The following TRIM46 variants were observed in gnomAD, a reference collection of about 807,000 sequenced individuals.
TRIM46 encodes the protein tripartite motif containing 46.
Under a neutral mutation model 69.7 loss-of-function variants are expected in TRIM46, and 17 were observed. That is an observed-to-expected ratio of 0.24 (90% CI 0.17 to 0.37). TRIM46 has a LOEUF of 0.37. TRIM46 is among the 10% of genes least tolerant of loss of function. The pLI is 1.00. For synonymous variants in TRIM46, 391 were observed against 429.0 expected (o/e 0.91, Z 1.09); for missense variants, 675 against 1,025.1 (o/e 0.66, Z 4.66).
chr1:155,179,557 T>C, intron 7 of TRIM46, 75 bp from the exon 8 acceptor site: 1 of 1,434,870 alleles, frequency 7.0e-7, no homozygotes, highest in Non-Finnish European at 9.4e-7. Flanking sequence ...TGCTTTCCCT[T>C]TTCCTGCCTG....
Position 155,184,130 on chromosome 1 carries a change from G to T in TRIM46, c.2220G>T (p.Glu740Asp). Residue 740 changes from glutamate (E) to aspartate (D), a missense_variant, in exon 10 of 10, where the codon GAG becomes GAT. Transcript: ENST00000334634. This position sits in a 1 kb window ranked among gnomAD's most constrained non-coding sequence, Gnocchi z 5.6. ...GGGGTGGCGCAGTACAGCTCCAGGA[G>T]CCAGTGGGCACTAAGCCTGAGAGGA... ...FIGGGAVQLQ[E>D]PVGTKPERKV... 2 of 1,613,848 alleles carry T rather than the reference G, an allele frequency of 1.2e-6. No individual in the cohort carries two copies. Among genetic ancestry groups the T allele is most frequent in the Non-Finnish European group, 1.7e-6 (2 of 1,180,010 alleles).
rs542500210 is a variant in TRIM46, at chr1:155,181,461, T to G, written c.1589-391T>G. 1.3e-5 allele frequency among the ~76,000 whole-genome samples: 2 copies of G among 152,030 alleles called. No homozygotes were observed. The highest frequency in any genetic ancestry group is 4.2e-4 in the South Asian group (2 of 4,804). ...ATAGGGGCTGGGTATAAGGGCCAGGTGTGAACCCAGAGTATGGGCTGGAAG... is the reference window on the plus strand; with the variant it reads ...ATAGGGGCTGGGTATAAGGGCCAGGGGTGAACCCAGAGTATGGGCTGGAAG... On this transcript the variant is annotated intron_variant, in intron 8 of 9. Transcript: ENST00000334634. The surrounding 1 kb of genome is among the most constrained non-coding windows in gnomAD (Gnocchi z 4.3).
chr1:155,182,529 C>G, intron 9 of TRIM46: 1 of 358,046 alleles, frequency 2.8e-6, no homozygotes, highest in Non-Finnish European at 5.0e-6. Flanking sequence ...TCCAAGACCT[C>G]CTTCACCCGT....
intron 6 of TRIM46, 99 bp from the exon 7 acceptor site, chr1:155,178,393 A>C (rs1665858051): frequency 6.3e-7 from 1 of 1,588,114 alleles, no homozygotes. Context: ...ACCAGCTCCC[A>C]AAGCAGTTCC....
chr1:155,173,993 CT>C lies in TRIM46; in HGVS notation c.29del (p.Phe10SerfsTer15). 6.4e-7 allele frequency: 1 copy of C among 1,574,606 alleles called. No homozygotes were observed. Among genetic ancestry groups the C allele is most frequent in the South Asian group, 1.2e-5 (1 of 85,866 alleles). ...TGGCAGAGGGTGAGGATATGCAGAC[CT>C]TCACTTCCATCATGGACGCACTGGT... The part of the protein sequence containing the change: MAEGEDMQT[F>X]TSIMDALVRI... On this transcript the variant is annotated frameshift_variant, in exon 1 of 10. Coordinates refer to ENST00000334634, the MANE Select transcript of TRIM46 (RefSeq NM_025058.5). LOFTEE classifies it high-confidence loss of function.
At chr1:155,176,898 T>C (rs774815941) in intron 3 of TRIM46, 34 bp from the exon 4 acceptor site, 1 of 1,605,680 alleles carries the variant, frequency 6.2e-7, no homozygotes, top group Non-Finnish European at 8.5e-7. Context: ...CCCACACCAT[T>C]GTCTGACCAT....
Position 155,178,122 on chromosome 1 carries a change from G to T in TRIM46, c.1030G>T (p.Ala344Ser). Residue 344 changes from alanine to serine, a missense_variant, in exon 6 of 10, where the codon GCC becomes TCC. Ala to Ser is a moderately conservative substitution (Grantham distance 99, BLOSUM62 1). Transcript: ENST00000334634. ...AIEECQQERL[A>S]RLSAQIQEHR... is the part of the protein sequence containing the mutation. ...TGAAGAATGCCAGCAGGAGCGGCTG[G>T]CCCGTCTCAGCGCCCAGATCCAGGA... The T allele has an allele frequency of 6.2e-7, 1 of 1,614,140 alleles. No homozygotes were observed. Among genetic ancestry groups the T allele is most frequent in the South Asian group, 1.1e-5 (1 of 91,080 alleles).
chr1:155,174,982 G>A, intron 1 of TRIM46: 1 of 1,383,830 alleles, frequency 7.2e-7, no homozygotes, highest in South Asian at 1.7e-5. Flanking sequence ...TGGGGGTGCT[G>A]CTAGAGAAGG....
Position 155,175,242 on chromosome 1 carries a change from G to A in TRIM46, c.64-144G>A. On this transcript the variant is annotated intron_variant, in intron 1 of 9. Coordinates refer to ENST00000334634, the MANE Select transcript of TRIM46 (RefSeq NM_025058.5). This position sits in a 1 kb window ranked among gnomAD's most constrained non-coding sequence, Gnocchi z 4.2. ...GAGGTCTGGGAAGGTCTGTGAACCA[G>A]CCCAAGGCAGGTGCTCTGGAAAAGC... 1 of 1,523,572 alleles carries A rather than the reference G, an allele frequency of 6.6e-7. No homozygotes were observed. Among genetic ancestry groups the A allele is most frequent in the Non-Finnish European group, 8.7e-7 (1 of 1,146,844 alleles). The allele number at this position is 1,523,572 out of a possible 1,614,324, so 94.4% of individuals were successfully genotyped here.
chr1:155,178,986 G>A (rs1263759227), intron 7 of TRIM46: 2 of 519,278 alleles, frequency 3.9e-6, no homozygotes, highest in Non-Finnish European at 6.5e-6. Flanking sequence ...CCTCCCACTG[G>A]ACCAATGCCC....
Position 155,178,842 on chromosome 1 carries a change from C to T in TRIM46, c.1285+229C>T, listed in dbSNP as rs1222975926. 2.1e-6 allele frequency: 3 copies of T among 1,454,610 alleles called. No homozygotes were observed. The Middle Eastern group carries it at 5.4e-4, about 261-fold the overall frequency. 90.1% of individuals were successfully genotyped at this position (1,454,610 alleles called of 1,614,324 possible). A position where few individuals can be genotyped will look rare whatever the true frequency, so the allele number is the denominator to read the frequency against. Reference sequence around the variant, plus strand: ...CACCGCGGACTCTGCTCCGGAGCACCCCAGGCAAGTCAGCGGCCCTGCCCC... The same window carrying T: ...CACCGCGGACTCTGCTCCGGAGCACTCCAGGCAAGTCAGCGGCCCTGCCCC... On this transcript the variant is annotated intron_variant, in intron 7 of 9. Transcript: ENST00000334634.
intron 9 of TRIM46, 136 bp from the exon 10 acceptor site, chr1:155,183,661 G>A (rs190070944): frequency 6.1e-5 from 72 of 1,177,930 alleles, no homozygotes; most frequent in Middle Eastern, 2.9e-4. Context: ...CCTCTTCAGC[G>A]TTTTCTTCTC....
At chr1:155,180,073 G>T (rs1666031138) in intron 8 of TRIM46, 139 bp downstream of exon 8, 2 of 1,051,494 alleles carry the variant, frequency 1.9e-6, no homozygotes, top group Admixed American at 3.2e-5. Context: ...GAGCTAGACT[G>T]CTTGGGTTCA....
At chr1:155,180,273 C>T (rs1306646027) in intron 8 of TRIM46, among the ~76,000 whole-genome samples, 1 of 152,086 alleles carries the variant, frequency 6.6e-6, no homozygotes, top group African/African-American at 2.4e-5. Flanking sequence ...TCAAGACCAA[C>T]CTGGCCAACA....
At chr1:155,178,870 G>T in intron 7 of TRIM46, 1 of 1,422,332 alleles carries the variant, frequency 7.0e-7, no homozygotes, top group Non-Finnish European at 9.3e-7. Context: ...CCTGCCCCGG[G>T]GGCCCTGCCC....
chr1:155,182,055 G>T lies in TRIM46; in HGVS notation c.1792G>T (p.Val598Leu). The change falls in exon 9 of 10, where the codon GTA becomes TTA. Residue 598 changes from valine to leucine, a missense_variant. Around this residue, in one of 5 missense-constraint regions of TRIM46, gnomAD observed 35 missense variants for 99.3 expected, o/e 0.35. Coordinates refer to ENST00000334634, the MANE Select transcript of TRIM46 (RefSeq NM_025058.5). ...TQGRSYWACA[V>L]DPASYLVKVG... is the part of the protein sequence containing the mutation. ...GGGCCGCAGCTACTGGGCCTGCGCC[G>T]TAGACCCAGCCTCCTACTTGGTCAA... The T allele has an allele frequency of 6.2e-7, 1 of 1,614,016 alleles. No homozygotes were observed.
At position 155,173,959 on chromosome 1, in the gene TRIM46, G is replaced by A. The variant is rs1454845605; in HGVS notation, c.-8G>A. The A allele has an allele frequency of 1.9e-6, 3 of 1,573,048 alleles. No homozygotes were observed. The highest frequency in any genetic ancestry group is 1.2e-5 in the South Asian group (1 of 86,014). ...GGGCACCCAGGGGCGGGCGGGCACG[G>A]TAGGGCCATGGCAGAGGGTGAGGAT... is the stretch of plus-strand genomic sequence containing the variant. On this transcript the variant is annotated 5_prime_UTR_variant, in exon 1 of 10. Coordinates refer to ENST00000334634, the MANE Select transcript of TRIM46 (RefSeq NM_025058.5).
rs139008733 is a variant in TRIM46, at chr1:155,183,954, G to A, written c.2044G>A (p.Gly682Ser). The A allele has an allele frequency of 2.5e-5, 40 of 1,613,934 alleles. No individual in the cohort carries two copies. The highest frequency in any genetic ancestry group is 6.7e-5 in the Admixed American group (4 of 60,020). ...GLTGRDGPTAGCTVPLPPRLG... is the reference protein window; with the variant it reads ...GLTGRDGPTASCTVPLPPRLG... ...GACAGGGAGGGATGGCCCCACAGCC[G>A]GCTGCACAGTGCCCCTGCCACCCCG... The change falls in exon 10 of 10, where the codon GGC becomes AGC. Residue 682 changes from glycine to serine, a missense_variant. Around this residue, in one of 5 missense-constraint regions of TRIM46, gnomAD observed 108 missense variants for 153.0 expected, o/e 0.71. Transcript: ENST00000334634.
Position 155,181,980 on chromosome 1 carries a change from G to C in TRIM46, c.1717G>C (p.Gly573Arg). The C allele has an allele frequency of 6.2e-7, 1 of 1,613,732 alleles. No homozygotes were observed. Among genetic ancestry groups the C allele is most frequent in the East Asian group, 2.2e-5 (1 of 44,878 alleles). Reference protein sequence around the residue: ...LLLAADRLLTGCHLSVDVVLG... With the variant: ...LLLAADRLLTRCHLSVDVVLG... Reference sequence around the variant, plus strand: ...GCTGGCTGCTGACCGGCTGCTGACCGGCTGCCACCTGAGTGTGGATGTGGT... The same window carrying C: ...GCTGGCTGCTGACCGGCTGCTGACCCGCTGCCACCTGAGTGTGGATGTGGT... The change falls in exon 9 of 10, where the codon GGC (glycine) becomes CGC (arginine). Residue 573 changes from glycine to arginine, a missense_variant. Around this residue, in one of 5 missense-constraint regions of TRIM46, gnomAD observed 361 missense variants for 498.3 expected, o/e 0.72. Transcript: ENST00000334634. The surrounding 1 kb of genome is among the most constrained non-coding windows in gnomAD (Gnocchi z 4.3).
Sources: gnomAD v4.1 joint callset for allele counts (sites outside exome capture counted in the v4.1 genomes callset) on GRCh38, gnomAD v4.1.1 for gene constraint, gnomAD v4.1.1 regional missense constraint, Gnocchi (gnomAD v3.1) non-coding constraint, MANE v1.5 for transcripts, NCBI Gene and HGNC (gene_info 2026-07-23, HGNC 2026-07-21) for gene names.